PTPRT: variants seen among roughly 807,000 people sequenced by gnomAD.
The protein encoded by PTPRT is receptor-type tyrosine-protein phosphatase T.
In PTPRT, 56 loss-of-function variants were observed where a neutral mutation model predicts 176.8. That is an observed-to-expected ratio of 0.32 (90% confidence interval 0.26 to 0.40). PTPRT has a LOEUF of 0.40. Ranked by LOEUF, PTPRT falls within the 10% of genes least tolerant of loss-of-function variation. The pLI is 1.00. For synonymous variants in PTPRT, 783 were observed against 739.0 expected (o/e 1.06, Z -0.96); for missense variants, 1,540 against 1,908.2 (o/e 0.81, Z 3.60).
intron 7 of PTPRT, among the ~76,000 whole-genome samples, chr20:42,480,951 T>C (rs1351403013): frequency 2.6e-5 from 4 of 151,830 alleles, no homozygotes; most frequent in Admixed American, 6.6e-5. Context: ...CAGCAATAGA[T>C]GAATCAGTTA....
At chr20:43,159,189 C>T (rs921680356) in intron 1 of PTPRT, among the ~76,000 whole-genome samples, 1 of 152,164 alleles carries the variant, frequency 6.6e-6, no homozygotes, top group African/African-American at 2.4e-5. Flanking sequence ...AGAGTACACA[C>T]CCCAGAGTTC....
At chr20:42,419,158 C>G (rs973476696) in intron 9 of PTPRT, among the ~76,000 whole-genome samples, 1 of 152,174 alleles carries the variant, frequency 6.6e-6, no homozygotes, top group Non-Finnish European at 1.5e-5. Context: ...TTGTGTGTCC[C>G]TCTGATGCAT....
chr20:43,020,607 G>T (rs1047752189), intron 1 of PTPRT, among the ~76,000 whole-genome samples: 1 of 152,048 alleles, frequency 6.6e-6, no homozygotes, highest in Non-Finnish European at 1.5e-5. Flanking sequence ...CCCCAACCCT[G>T]CCATGCCCCA....
At chr20:42,661,962 C>T (rs1364621035) in intron 7 of PTPRT, among the ~76,000 whole-genome samples, 4 of 152,202 alleles carry the variant, frequency 2.6e-5, no homozygotes, top group Non-Finnish European at 5.9e-5. Context: ...TCCTCTGGCT[C>T]AGGCATCATT....
intron 13 of PTPRT, among the ~76,000 whole-genome samples, chr20:42,275,987 C>G (rs560047744): frequency 6.6e-6 from 1 of 152,260 alleles, no homozygotes; most frequent in South Asian, 2.1e-4. Flanking sequence ...TTTATAAAGA[C>G]TGAACAACAA....
At chr20:43,151,833 A>ATT (rs1226220040) in intron 1 of PTPRT, among the ~76,000 whole-genome samples, 1 of 152,002 alleles carries the variant, frequency 6.6e-6, no homozygotes, top group Non-Finnish European at 1.5e-5. Flanking sequence ...ATTGCACTCC[A>ATT]GCCCAGGCAA....
chr20:42,299,455 T>C (rs1221102540), intron 12 of PTPRT, among the ~76,000 whole-genome samples: 1 of 152,018 alleles, frequency 6.6e-6, no homozygotes, highest in Non-Finnish European at 1.5e-5. Flanking sequence ...GTAGGTTTGT[T>C]TTGCTAAGAT....
intron 12 of PTPRT, among the ~76,000 whole-genome samples, chr20:42,294,534 C>T (rs1160957965): frequency 6.6e-6 from 1 of 152,028 alleles, no homozygotes; most frequent in East Asian, 1.9e-4. Flanking sequence ...ACTTTACTAT[C>T]CAGTCAGAAC....
intron 1 of PTPRT, among the ~76,000 whole-genome samples, chr20:43,028,128 A>G (rs1433095045): frequency 6.6e-6 from 1 of 152,180 alleles, no homozygotes; most frequent in Non-Finnish European, 1.5e-5. Flanking sequence ...TTAAATTATC[A>G]TACTTGTTCT....
At chr20:42,609,375 C>T (rs566390279) in intron 7 of PTPRT, among the ~76,000 whole-genome samples, 26 of 152,218 alleles carry the variant, frequency 1.7e-4, no homozygotes, top group African/African-American at 5.1e-4. Flanking sequence ...CACCCAGCCC[C>T]CAACACTTTG....
At chr20:42,816,301 A>G (rs1345031424) in intron 2 of PTPRT, among the ~76,000 whole-genome samples, 1 of 152,216 alleles carries the variant, frequency 6.6e-6, no homozygotes, top group Non-Finnish European at 1.5e-5. Flanking sequence ...CTCCTTTGAG[A>G]GGTAGAGAAG....
chr20:42,230,686 G>C (rs2056115920), intron 15 of PTPRT, among the ~76,000 whole-genome samples: 2 of 152,166 alleles, frequency 1.3e-5, no homozygotes. Context: ...TGATTTTCCA[G>C]ATGAAGAAAC....
At chr20:42,553,318 C>A (rs1430228526) in intron 7 of PTPRT, among the ~76,000 whole-genome samples, 1 of 152,054 alleles carries the variant, frequency 6.6e-6, no homozygotes, top group Non-Finnish European at 1.5e-5. Flanking sequence ...TTCTTTCTCC[C>A]ACATATGCAT....
intron 18 of PTPRT, among the ~76,000 whole-genome samples, chr20:42,133,452 T>A (rs1398750356): frequency 2.0e-5 from 3 of 152,198 alleles, no homozygotes; most frequent in Non-Finnish European, 4.4e-5. Flanking sequence ...GGCTACATAC[T>A]GTACAATTCT....
intron 1 of PTPRT, among the ~76,000 whole-genome samples, chr20:43,073,981 TG>T (rs1442168450): frequency 6.6e-6 from 1 of 152,154 alleles, no homozygotes; most frequent in Non-Finnish European, 1.5e-5. Flanking sequence ...CTCGAACTCC[TG>T]GGCTCAAGGG....
intron 1 of PTPRT, among the ~76,000 whole-genome samples, chr20:42,914,592 C>T (rs926721580): frequency 6.6e-6 from 1 of 152,130 alleles, no homozygotes; most frequent in Non-Finnish European, 1.5e-5. Flanking sequence ...TCAAAGGCTA[C>T]AGAATGCATG....
chr20:42,568,895 A>T lies in PTPRT; in HGVS notation c.1154-96333T>A, dbSNP rs554982992. On this transcript the variant is annotated intron_variant, in intron 7 of 30. Transcript: ENST00000373187. ...AAACCCTGTCTCTATTAAAAAATACAAAAACTCCCCAGGAGTGATAGCAGA... is the reference window on the plus strand; with the variant it reads ...AAACCCTGTCTCTATTAAAAAATACTAAAACTCCCCAGGAGTGATAGCAGA... 6.0e-5 allele frequency among the ~76,000 whole-genome samples: 9 copies of T among 151,138 alleles called. No homozygotes were observed. The East Asian group carries it at 1.8e-3, about 30-fold the overall frequency.
intron 1 of PTPRT, among the ~76,000 whole-genome samples, chr20:43,180,341 ATCTCTC>A (rs71193679): frequency 3.5e-5 from 4 of 115,068 alleles, no homozygotes; most frequent in Admixed American, 8.8e-5. Flanking sequence ...AAATGAATCA[ATCTCTC>A]TCTCTCTCTC....
At chr20:42,628,964 C>T (rs2074350712) in intron 7 of PTPRT, among the ~76,000 whole-genome samples, 1 of 152,102 alleles carries the variant, frequency 6.6e-6, no homozygotes, top group Non-Finnish European at 1.5e-5. Context: ...GTAGCAGAGT[C>T]AAAGATTCAA....
Sources: gnomAD v4.1 joint callset for allele counts (sites outside exome capture counted in the v4.1 genomes callset) on GRCh38, gnomAD v4.1.1 for gene constraint, MANE v1.5 for transcripts, NCBI Gene and HGNC (gene_info 2026-07-23, HGNC 2026-07-21) for gene names.